Variants in ROS1 observed in about 807,000 individuals in gnomAD.
The protein encoded by ROS1 is proto-oncogene tyrosine-protein kinase ROS.
ROS1 carries 263 observed loss-of-function variants against 273.5 expected under a neutral mutation model. That is an observed-to-expected ratio of 0.96 (90% CI 0.87 to 1.06). ROS1 has a LOEUF of 1.06. Among genes scored for constraint, ROS1 ranks in the 50% least tolerant of loss-of-function variants. ROS1 has a pLI of 0.00. For missense variants in ROS1, 2,833 were observed against 2,751.1 expected, an observed-to-expected ratio of 1.03 and a Z score of -0.67; for synonymous variants, 1,008 against 954.1, an observed-to-expected ratio of 1.06 and a Z score of -1.04.
At chr6:117,364,490 AC>A (rs920057454) in intron 21 of ROS1, among the ~76,000 whole-genome samples, 1 of 152,150 alleles carries the variant, frequency 6.6e-6, no homozygotes, top group African/African-American at 2.4e-5. Flanking sequence ...AGACTTTCCT[AC>A]CCACCTCAGA....
chr6:117,300,988 T>C lies in ROS1; in HGVS notation c.6701A>G (p.Asn2234Ser). 5.7e-6 allele frequency: 9 copies of C among 1,570,018 alleles called. No homozygotes were observed. The highest frequency in any genetic ancestry group is 6.9e-6 in the Non-Finnish European group (8 of 1,162,828). The change falls in exon 43 of 44, where the codon AAT (asparagine) becomes AGT (serine). Residue 2234 changes from asparagine (N) to serine (S), a missense_variant. Asn to Ser is a conservative substitution (Grantham distance 46). Transcript: ENST00000368507. Reference sequence around the variant, plus strand: ...ATCAAACTTACCTTCAAAGCTTTCATTTATGACTCCACTGTTGTTTGCTTC... The same window carrying C: ...ATCAAACTTACCTTCAAAGCTTTCACTTATGACTCCACTGTTGTTTGCTTC... ...RDEANNSGVI[N>S]ESFEGEDGDV...
At chr6:117,412,572 A>T (rs1232692656) in intron 4 of ROS1, among the ~76,000 whole-genome samples, 1 of 144,910 alleles carries the variant, frequency 6.9e-6, no homozygotes, top group Non-Finnish European at 1.5e-5. Context: ...AACTGAGGTG[A>T]TAGATAGATA....
chr6:117,348,072 G>A (rs1372634913), intron 27 of ROS1, among the ~76,000 whole-genome samples: 1 of 151,984 alleles, frequency 6.6e-6, no homozygotes, highest in African/African-American at 2.4e-5. Flanking sequence ...TGGTTTTAGG[G>A]TAATTCTGGC....
At chr6:117,414,380 A>T in intron 4 of ROS1, 139 bp downstream of exon 4, 1 of 648,024 alleles carries the variant, frequency 1.5e-6, no homozygotes, top group Non-Finnish European at 2.7e-6. Context: ...CTGTATACTC[A>T]GAGTAATAAC....
intron 9 of ROS1, 32 bp downstream of exon 9, chr6:117,396,156 T>C (rs2128715278): frequency 6.3e-7 from 1 of 1,578,714 alleles, no homozygotes; most frequent in Non-Finnish European, 8.7e-7. Context: ...CCCTCATTCC[T>C]GTGTAGCTAA....
rs1477724515 is a variant in ROS1 at position 117,366,303 on chromosome 6, A to T, written c.2583-13T>A. The T allele has an allele frequency of 2.5e-6, 4 of 1,601,396 alleles. No individual in the cohort carries two copies. Among genetic ancestry groups the T allele is most frequent in the African/African-American group, 1.3e-5 (1 of 74,678 alleles). ...GGTATCCCCAGTGCTGCTAAAACATAACACCAATTAGTGTGTGTTTCTGGA... is the reference window on the plus strand; with the variant it reads ...GGTATCCCCAGTGCTGCTAAAACATTACACCAATTAGTGTGTGTTTCTGGA... On this transcript the variant is annotated splice_polypyrimidine_tract_variant and intron_variant, in intron 18 of 43. Coordinates refer to ENST00000368507, the MANE Select transcript of ROS1 (RefSeq NM_001378902.1).
chr6:117,421,237 C>T (rs13197031), intron 1 of ROS1, among the ~76,000 whole-genome samples: 1 of 146,700 alleles, frequency 6.8e-6, no homozygotes, highest in Non-Finnish European at 1.5e-5. Flanking sequence ...TATTATATTG[C>T]AATATATATA....
At position 117,403,216 on chromosome 6, in the gene ROS1, C is replaced by T. The variant is rs2243380; in HGVS notation, c.527G>A (p.Arg176Gln). The change falls in exon 7 of 44, where the codon CGA becomes CAA. Residue 176 changes from arginine (R) to glutamine (Q), a missense_variant. Arg to Gln is a conservative substitution (Grantham distance 43). Transcript: ENST00000368507. ...PLHPFTEYIF[R>Q]VVWIFTAQLQ... The stretch of plus-strand genomic sequence containing the variant: ...CTGCGCTGTGAAGATCCAAACCACT[C>T]GGAAAATGTACTCAGTGAAGGGGTG... 0.079 allele frequency: 127,890 copies of T among 1,611,816 alleles called. 5,472 individuals carry two copies. The highest frequency in any genetic ancestry group is 0.087 in the Non-Finnish European group (102,321 of 1,179,430).
intron 18 of ROS1, among the ~76,000 whole-genome samples, chr6:117,375,415 C>T: frequency 9.7e-6 from 1 of 103,310 alleles, no homozygotes; most frequent in African/African-American, 3.8e-5. Flanking sequence ...AACCAAATAC[C>T]ACCTGTTCCC....
rs115747219 is a variant in ROS1, at chr6:117,361,166, G to A, written c.3367-761C>T. ...GGTCTACATACATTTTTTCCCATTG[G>A]GCCATGCCACATTCTAACAGTAAAG... On this transcript the variant is annotated intron_variant, in intron 22 of 43. Coordinates refer to ENST00000368507, the MANE Select transcript of ROS1 (RefSeq NM_001378902.1). 4.8e-3 allele frequency among the ~76,000 whole-genome samples: 729 copies of A among 151,298 alleles called. 6 individuals are homozygous for A. The highest frequency in any genetic ancestry group is 0.017 in the African/African-American group (691 of 41,246).
At chr6:117,329,687 G>C (rs1006287097) in intron 32 of ROS1, among the ~76,000 whole-genome samples, 1 of 152,062 alleles carries the variant, frequency 6.6e-6, no homozygotes, top group African/African-American at 2.4e-5. Flanking sequence ...TGACTAGAAG[G>C]CTGGCGTGAC....
At position 117,387,957 on chromosome 6, in the gene ROS1, T is replaced by C. The variant is rs779213880; in HGVS notation, c.1822A>G (p.Lys608Glu). Reference protein sequence around the residue: ...SAWQNWTYEVKVSTQDPPEVT... With the variant: ...SAWQNWTYEVEVSTQDPPEVT... ...TCAGGAGGGTCTTGGGTGGATACTT[T>C]CACCTCATAGGTCCAGTTCTGCCAG... Residue 608 changes from lysine to glutamate, a missense_variant, in exon 14 of 44, where the codon AAA becomes GAA. Transcript: ENST00000368507. The C allele has an allele frequency of 1.9e-6, 3 of 1,614,104 alleles. No homozygotes were observed. Among genetic ancestry groups the C allele is most frequent in the East Asian group, 2.2e-5 (1 of 44,870 alleles).
intron 27 of ROS1, among the ~76,000 whole-genome samples, chr6:117,345,136 C>A (rs1206816374): frequency 6.6e-6 from 1 of 152,208 alleles, no homozygotes; most frequent in Non-Finnish European, 1.5e-5. Flanking sequence ...CTGGCTCCTG[C>A]CCGCATATCC....
At chr6:117,424,321 T>C (rs977451493) in intron 1 of ROS1, among the ~76,000 whole-genome samples, 3 of 122,542 alleles carry the variant, frequency 2.4e-5, no homozygotes, top group African/African-American at 8.5e-5. Flanking sequence ...TATGTATACA[T>C]ATATATATAT....
intron 12 of ROS1, among the ~76,000 whole-genome samples, chr6:117,391,930 A>G (rs566031300): frequency 6.6e-6 from 1 of 152,376 alleles, no homozygotes; most frequent in East Asian, 1.9e-4. Context: ...CACATTCAGT[A>G]TAAATACTAA....
intron 11 of ROS1, among the ~76,000 whole-genome samples, 173 bp downstream of exon 11, chr6:117,393,989 G>C (rs529333155): frequency 3.3e-5 from 5 of 152,206 alleles, no homozygotes; most frequent in African/African-American, 7.2e-5. Flanking sequence ...CTAGGTAAAG[G>C]CTACACCCTC....
intron 17 of ROS1, among the ~76,000 whole-genome samples, chr6:117,379,728 T>C (rs1207811273): frequency 3.9e-5 from 6 of 152,286 alleles, no homozygotes; most frequent in Admixed American, 3.3e-4. Context: ...TCCAGTATGC[T>C]TTAAAACTTC....
At position 117,310,094 on chromosome 6, in the gene ROS1, G is replaced by A. The variant is rs770739791; in HGVS notation, c.6403C>T (p.Gln2135Ter). ...ESLMDGIFTT[Q>*]SDVWSFGILI... is the part of the protein sequence containing the mutation. ...CGTTAAACTTACCATACATCAGATT[G>A]AGTAGTGAAGATTCCATCCATCAAA... The change falls in exon 41 of 44, where the codon CAA becomes TAA. Residue 2135 changes from glutamine (Q) to a stop codon, truncating the protein, a stop_gained. Coordinates refer to ENST00000368507, the MANE Select transcript of ROS1 (RefSeq NM_001378902.1). LOFTEE classifies it high-confidence loss of function. 1.2e-6 allele frequency: 2 copies of A among 1,612,918 alleles called. No individual in the cohort carries two copies. The highest frequency in any genetic ancestry group is 8.5e-7 in the Non-Finnish European group (1 of 1,179,128).
chr6:117,384,358 C>T (rs796066859), intron 16 of ROS1, among the ~76,000 whole-genome samples: 1 of 152,208 alleles, frequency 6.6e-6, no homozygotes, highest in African/African-American at 2.4e-5. Context: ...AATGGACACA[C>T]TAAAAAATCT....
Sources: gnomAD v4.1 joint callset for allele counts (sites outside exome capture counted in the v4.1 genomes callset) on GRCh38, gnomAD v4.1.1 for gene constraint, MANE v1.5 for transcripts, NCBI Gene and HGNC (gene_info 2026-07-23, HGNC 2026-07-21) for gene names.